The following LRIG3 variants were observed in gnomAD, a reference collection of about 807,000 sequenced individuals.
LRIG3 encodes leucine rich repeats and immunoglobulin like domains 3, also known as leucine-rich repeats and immunoglobulin-like domains protein 3.
A neutral mutation model predicts 114.5 loss-of-function variants in LRIG3; 76 were observed. The observed-to-expected ratio is 0.66, with a 90% CI of 0.55 to 0.80. The LOEUF (loss-of-function observed/expected upper bound fraction) is 0.80. LRIG3 is among the 30% of genes least tolerant of loss of function. LRIG3 has a pLI of 0.00. For missense variants in LRIG3, 1,239 were observed against 1,382.8 expected (o/e 0.90, Z 1.65); for synonymous variants, 512 against 519.8 (o/e 0.98, Z 0.20).
chr12:58,902,116 A>G (rs1032309691), intron 3 of LRIG3, among the ~76,000 whole-genome samples: 3 of 152,112 alleles, frequency 2.0e-5, no homozygotes, highest in African/African-American at 7.2e-5. Context: ...GAGGAGAATA[A>G]GAGAAAGAGA....
intron 1 of LRIG3, among the ~76,000 whole-genome samples, chr12:58,917,827 A>G (rs1018135860): frequency 6.6e-6 from 1 of 152,202 alleles, no homozygotes; most frequent in Non-Finnish European, 1.5e-5. Flanking sequence ...GCATTTTTCT[A>G]TTTATATCTG....
intron 1 of LRIG3, among the ~76,000 whole-genome samples, chr12:58,918,566 C>T (rs11172825): frequency 6.6e-6 from 1 of 152,214 alleles, no homozygotes; most frequent in African/African-American, 2.4e-5. Flanking sequence ...TATTCATTTT[C>T]TCTTTCTCAT....
In LRIG3 at chr12:58,872,504, TTCTC is replaced by T; in HGVS notation, c.*64_*67del. 1 of 1,446,432 alleles carries T rather than the reference TTCTC, an allele frequency of 6.9e-7. No individual in the cohort carries two copies. Among genetic ancestry groups the T allele is most frequent in the Non-Finnish European group, 9.2e-7 (1 of 1,088,610 alleles). The allele number at this position is 1,446,432 out of a possible 1,614,324, so 89.6% of individuals were successfully genotyped here. On this transcript the variant is annotated 3_prime_UTR_variant, in exon 19 of 19. Transcript: ENST00000320743. The stretch of plus-strand genomic sequence containing the variant: ...ATAACTCCATTTAAAAAACATAAGA[TTCTC>T]TCTCTTTTAAATAAAAGTTCACTTG...
chr12:58,916,904 A>T (rs1003175943), intron 1 of LRIG3, among the ~76,000 whole-genome samples: 9 of 152,188 alleles, frequency 5.9e-5, no homozygotes, highest in African/African-American at 1.9e-4. Context: ...CTGACTTCCA[A>T]GTCAAATTTT....
At chr12:58,912,495 CAA>C (rs201463898) in intron 3 of LRIG3, among the ~76,000 whole-genome samples, 1 of 144,382 alleles carries the variant, frequency 6.9e-6, no homozygotes. Context: ...GACTCTGTCT[CAA>C]AAAAAAAAAA....
chr12:58,908,950 G>A (rs60869355), intron 3 of LRIG3, among the ~76,000 whole-genome samples: 11,227 of 152,178 alleles, frequency 0.074, 649 homozygotes, highest in East Asian at 0.19. Flanking sequence ...TAATTACTGC[G>A]TAAGTTGGAT....
At chr12:58,888,260 G>A in intron 7 of LRIG3, 69 bp downstream of exon 7, 1 of 1,545,192 alleles carries the variant, frequency 6.5e-7, no homozygotes, top group Non-Finnish European at 8.8e-7. Flanking sequence ...CAGATCAGTG[G>A]TAAGAAGCTC....
intron 10 of LRIG3, among the ~76,000 whole-genome samples, chr12:58,885,622 A>G (rs1050218434): frequency 2.0e-5 from 3 of 152,190 alleles, no homozygotes; most frequent in African/African-American, 7.2e-5. Flanking sequence ...TACAAAGGAA[A>G]GCATACACCT....
intron 15 of LRIG3, 67 bp downstream of exon 15, chr12:58,877,333 A>G: frequency 6.7e-7 from 1 of 1,484,112 alleles, no homozygotes; most frequent in Admixed American, 1.7e-5. Context: ...CACACGTTCT[A>G]GAAGTATTTG....
chr12:58,913,855 T>C, intron 3 of LRIG3, 127 bp downstream of exon 3: 1 of 728,292 alleles, frequency 1.4e-6, no homozygotes, highest in Non-Finnish European at 2.2e-6. Context: ...TTAAAGCGCG[T>C]ATCTTTACTA....
At chr12:58,875,388 G>A (rs955042778) in intron 16 of LRIG3, among the ~76,000 whole-genome samples, 2 of 152,156 alleles carry the variant, frequency 1.3e-5, no homozygotes, top group Non-Finnish European at 2.9e-5. Context: ...TTTCTGGCTT[G>A]CCAAGCACTT....
At chr12:58,875,695 CCATT>C (rs945881165) in intron 16 of LRIG3, among the ~76,000 whole-genome samples, 1 of 152,158 alleles carries the variant, frequency 6.6e-6, no homozygotes, top group Non-Finnish European at 1.5e-5. Context: ...TATGCTGTCT[CCATT>C]ATTATTCTCA....
intron 10 of LRIG3, 23 bp from the exon 11 acceptor site, chr12:58,883,614 G>C (rs1196807152): frequency 4.0e-6 from 6 of 1,514,592 alleles, no homozygotes; most frequent in Non-Finnish European, 5.4e-6. Flanking sequence ...CAAATCAAAT[G>C]CATCAGAGCA....
intron 9 of LRIG3, 56 bp from the exon 10 acceptor site, chr12:58,885,958 AC>A (rs1871264681): frequency 9.0e-7 from 1 of 1,114,846 alleles, no homozygotes; most frequent in East Asian, 2.8e-5. Context: ...TTGGGGTGGA[AC>A]TCTCATAAAC....
chr12:58,892,026 T>C (rs1871471520), intron 3 of LRIG3, among the ~76,000 whole-genome samples: 1 of 146,656 alleles, frequency 6.8e-6, no homozygotes, highest in Non-Finnish European at 1.5e-5. Context: ...ACTGAACAAA[T>C]GGAAAGAAAC....
At chr12:58,892,951 C>T (rs556507374) in intron 3 of LRIG3, among the ~76,000 whole-genome samples, 1 of 152,270 alleles carries the variant, frequency 6.6e-6, no homozygotes, top group South Asian at 2.1e-4. Context: ...CCGCTACTTC[C>T]CACCTTGCAA....
intron 3 of LRIG3, among the ~76,000 whole-genome samples, chr12:58,911,894 G>T (rs774690184): frequency 6.6e-5 from 10 of 152,162 alleles, no homozygotes; most frequent in Non-Finnish European, 1.5e-4. Flanking sequence ...GGTATAAAAA[G>T]AAGTTTTTAC....
At position 58,920,282 on chromosome 12, in the gene LRIG3, G is replaced by A. The variant is rs1266425717; in HGVS notation, c.-47C>T. 7.8e-7 allele frequency: 1 copy of A among 1,286,432 alleles called. No individual in the cohort carries two copies. The highest frequency in any genetic ancestry group is 3.2e-5 in the East Asian group (1 of 31,400). 79.7% of individuals were successfully genotyped at this position (1,286,432 alleles called of 1,614,324 possible). A position where few individuals can be genotyped will look rare whatever the true frequency, so the allele number is the denominator to read the frequency against. On this transcript the variant is annotated 5_prime_UTR_variant, in exon 1 of 19. Coordinates refer to ENST00000320743, the MANE Select transcript of LRIG3 (RefSeq NM_153377.5). Reference sequence around the variant, plus strand: ...TCTACCCGAAGCTCCCAGCCGGCGCGCGCTCGGGGCCCGGCACAAACTTCC... The same window carrying A: ...TCTACCCGAAGCTCCCAGCCGGCGCACGCTCGGGGCCCGGCACAAACTTCC...
At chr12:58,900,001 G>A (rs1871786064) in intron 3 of LRIG3, among the ~76,000 whole-genome samples, 1 of 152,120 alleles carries the variant, frequency 6.6e-6, no homozygotes, top group East Asian at 1.9e-4. Context: ...TAATTTTCCT[G>A]ATTTCAGAAG....
Sources: gnomAD v4.1 joint callset for allele counts (sites outside exome capture counted in the v4.1 genomes callset) on GRCh38, gnomAD v4.1.1 for gene constraint, MANE v1.5 for transcripts, NCBI Gene and HGNC (gene_info 2026-07-23, HGNC 2026-07-21) for gene names.